The following ITGA9 variants were observed in gnomAD, a reference collection of about 807,000 sequenced individuals.
The protein encoded by ITGA9 is integrin subunit alpha 9.
ITGA9 carries 56 observed loss-of-function variants against 127.8 expected under a neutral mutation model. That is an observed-to-expected ratio of 0.44 (90% CI 0.35 to 0.55). ITGA9 has a LOEUF of 0.55. Ranked by LOEUF, ITGA9 falls within the 20% of genes least tolerant of loss-of-function variation. ITGA9 has a pLI of 0.00. For missense variants in ITGA9, 1,196 were observed against 1,347.1 expected, an observed-to-expected ratio of 0.89 and a Z score of 1.76; for synonymous variants, 508 against 514.5, an observed-to-expected ratio of 0.99 and a Z score of 0.17.
chr3:37,637,211 A>G (rs1167551996), intron 16 of ITGA9, among the ~76,000 whole-genome samples: 1 of 152,078 alleles, frequency 6.6e-6, no homozygotes, highest in Non-Finnish European at 1.5e-5. Context: ...TGAATCTATA[A>G]ATTACCTTGG....
chr3:37,522,053 G>A (rs936705294), intron 11 of ITGA9, among the ~76,000 whole-genome samples: 3 of 152,008 alleles, frequency 2.0e-5, no homozygotes, highest in Non-Finnish European at 4.4e-5. Flanking sequence ...TAGATCCTGT[G>A]AAAACTCCCC....
At chr3:37,464,847 C>T (rs1277005375) in intron 1 of ITGA9, among the ~76,000 whole-genome samples, 1 of 152,188 alleles carries the variant, frequency 6.6e-6, no homozygotes, top group African/African-American at 2.4e-5. Flanking sequence ...TAGTGAGTCC[C>T]CTCCCTCTGG....
At chr3:37,704,197 A>G (rs1291916167) in intron 18 of ITGA9, among the ~76,000 whole-genome samples, 1 of 152,080 alleles carries the variant, frequency 6.6e-6, no homozygotes, top group East Asian at 1.9e-4. Context: ...ATGGGCAAGG[A>G]AGCATTGATG....
At chr3:37,457,182 T>C (rs959215005) in intron 1 of ITGA9, among the ~76,000 whole-genome samples, 56 of 152,362 alleles carry the variant, frequency 3.7e-4, no homozygotes, top group African/African-American at 1.3e-3. Context: ...GAGGTTGAAT[T>C]GTCTTTCTAC....
intron 15 of ITGA9, among the ~76,000 whole-genome samples, chr3:37,615,086 G>C (rs895565664): frequency 6.6e-6 from 1 of 152,194 alleles, no homozygotes; most frequent in Non-Finnish European, 1.5e-5. Flanking sequence ...CATTCAGTAT[G>C]ATATTGGCTG....
chr3:37,660,534 T>C (rs928883904), intron 17 of ITGA9, among the ~76,000 whole-genome samples: 2 of 152,210 alleles, frequency 1.3e-5, no homozygotes, highest in Admixed American at 6.5e-5. Context: ...TGGCTAAAGC[T>C]GCCTCCACTG....
At chr3:37,666,469 T>C (rs1700587331) in intron 17 of ITGA9, among the ~76,000 whole-genome samples, 1 of 152,156 alleles carries the variant, frequency 6.6e-6, no homozygotes, top group South Asian at 2.1e-4. Flanking sequence ...GGTCTTCTGG[T>C]CTCATTTGGG....
chr3:37,633,132 C>T (rs1575174633), intron 16 of ITGA9, among the ~76,000 whole-genome samples: 2 of 152,108 alleles, frequency 1.3e-5, no homozygotes, highest in African/African-American at 4.8e-5. Context: ...AAGAGGAGAT[C>T]AATTAACTTC....
chr3:37,714,641 A>G (rs1701114970), intron 18 of ITGA9, among the ~76,000 whole-genome samples: 1 of 152,138 alleles, frequency 6.6e-6, no homozygotes, highest in Admixed American at 6.5e-5. Flanking sequence ...GTGCCACTCA[A>G]AGCGTGGTCT....
chr3:37,610,100 G>A (rs113681484), intron 15 of ITGA9, among the ~76,000 whole-genome samples: 6,198 of 152,226 alleles, frequency 0.041, 174 homozygotes, highest in Non-Finnish European at 0.062. Context: ...GGACGGGGAG[G>A]GATGAGAGGT....
chr3:37,463,981 G>A (rs149194187), intron 1 of ITGA9, among the ~76,000 whole-genome samples: 2 of 152,220 alleles, frequency 1.3e-5, no homozygotes, highest in African/African-American at 4.8e-5. Context: ...GAAAACAAAG[G>A]CTTTTAAAGG....
intron 18 of ITGA9, among the ~76,000 whole-genome samples, chr3:37,729,910 G>T (rs1432844973): frequency 6.6e-6 from 1 of 151,994 alleles, no homozygotes; most frequent in Non-Finnish European, 1.5e-5. Flanking sequence ...CACCATGTTG[G>T]CCAGGATGGT....
intron 15 of ITGA9, among the ~76,000 whole-genome samples, chr3:37,571,850 C>G (rs1699605496): frequency 1.3e-5 from 2 of 151,868 alleles, no homozygotes; most frequent in Non-Finnish European, 2.9e-5. Context: ...GTCTCACCAT[C>G]TGAGGAGCTG....
chr3:37,732,687 C>T, intron 18 of ITGA9, 25 bp from the exon 19 acceptor site: 1 of 1,579,452 alleles, frequency 6.3e-7, no homozygotes, highest in Non-Finnish European at 8.6e-7. Flanking sequence ...GCAGCCGGCC[C>T]ATCTGTTGGT....
intron 13 of ITGA9, 114 bp downstream of exon 13, chr3:37,526,185 A>C: frequency 1.1e-6 from 1 of 901,868 alleles, no homozygotes; most frequent in South Asian, 1.3e-5. Flanking sequence ...GGAGGTGCTT[A>C]GTAAGTGGAA....
intron 11 of ITGA9, among the ~76,000 whole-genome samples, chr3:37,522,532 C>G (rs1699054423): frequency 6.6e-6 from 1 of 151,950 alleles, no homozygotes; most frequent in African/African-American, 2.4e-5. Context: ...TTGAAACCAC[C>G]TTGGGCAACA....
At chr3:37,576,591 C>T (rs1425760428) in intron 15 of ITGA9, among the ~76,000 whole-genome samples, 1 of 152,070 alleles carries the variant, frequency 6.6e-6, no homozygotes, top group Non-Finnish European at 1.5e-5. Context: ...CCTGCCACAG[C>T]CAAGCATGGA....
chr3:37,541,106 A>G (rs928172977), intron 14 of ITGA9, among the ~76,000 whole-genome samples: 1 of 152,170 alleles, frequency 6.6e-6, no homozygotes, highest in African/African-American at 2.4e-5. Context: ...CTGGTGGCTG[A>G]TCCCATTGAT....
intron 15 of ITGA9, among the ~76,000 whole-genome samples, chr3:37,587,466 G>A (rs958416052): frequency 6.6e-6 from 1 of 152,130 alleles, no homozygotes; most frequent in African/African-American, 2.4e-5. Context: ...GTTATCAGAT[G>A]GGAAGATTTC....
Sources: allele counts gnomAD v4.1 joint callset (sites outside exome capture counted in the v4.1 genomes callset), GRCh38; gene constraint gnomAD v4.1.1; transcripts MANE v1.5; gene names NCBI Gene and HGNC (gene_info 2026-07-23, HGNC 2026-07-21).